The following FBN1 variants were observed in gnomAD, a reference collection of about 807,000 sequenced individuals.
The protein encoded by FBN1 is fibrillin-1.
FBN1 carries 29 observed loss-of-function variants against 365.1 expected under a neutral mutation model. The ratio of observed to expected loss-of-function variants is 0.08; its 90% CI spans 0.06 to 0.11. The LOEUF (loss-of-function observed/expected upper bound fraction) is 0.11. Ranked by LOEUF, FBN1 falls within the 10% of genes least tolerant of loss-of-function variation. The pLI is 1.00. For missense variants in FBN1, 2,476 were observed against 3,703.2 expected (o/e 0.67, Z 8.60); for synonymous variants, 1,210 against 1,270.5 (o/e 0.95, Z 1.01).
chr15:48,502,533 A>C (rs760887247), intron 17 of FBN1, among the ~76,000 whole-genome samples: 13 of 152,348 alleles, frequency 8.5e-5, no homozygotes, highest in Non-Finnish European at 1.8e-4. Context: ...AAAAACAACC[A>C]ACCAGAGCTA....
chr15:48,570,381 G>C (rs1261569131), intron 6 of FBN1, among the ~76,000 whole-genome samples: 1 of 151,520 alleles, frequency 6.6e-6, no homozygotes, highest in Non-Finnish European at 1.5e-5. Context: ...TTCATGAAGA[G>C]ATCAATAAAA....
intron 17 of FBN1, among the ~76,000 whole-genome samples, 175 bp downstream of exon 17, chr15:48,503,612 A>G (rs939777764): frequency 2.6e-5 from 4 of 152,240 alleles, no homozygotes; most frequent in Admixed American, 6.5e-5. Context: ...AATAATTATG[A>G]GGCTTAGATA....
At chr15:48,428,587 C>G (rs1230509239) in intron 56 of FBN1, 116 bp from the exon 57 acceptor site, 2 of 1,127,418 alleles carry the variant, frequency 1.8e-6, no homozygotes, top group African/African-American at 3.1e-5. Flanking sequence ...TCCCTTTGTT[C>G]CTTTCTCCTT....
chr15:48,578,129 T>C (rs2044363779), intron 6 of FBN1, among the ~76,000 whole-genome samples: 1 of 152,160 alleles, frequency 6.6e-6, no homozygotes, highest in African/African-American at 2.4e-5. Context: ...GTTCGTGTAT[T>C]TGAGAAGAAA....
chr15:48,417,246 T>G (rs2042909123), intron 63 of FBN1, among the ~76,000 whole-genome samples: 2 of 152,244 alleles, frequency 1.3e-5, no homozygotes, highest in Non-Finnish European at 2.9e-5. Context: ...AATCTATTTT[T>G]TCTTTTTTTT....
chr15:48,515,788 T>G (rs892320532), intron 11 of FBN1, among the ~76,000 whole-genome samples: 8 of 152,182 alleles, frequency 5.3e-5, no homozygotes, highest in African/African-American at 1.9e-4. Context: ...ACCTCTAGTT[T>G]GCAGAAATAA....
At chr15:48,516,415 A>T in intron 10 of FBN1, 53 bp from the exon 11 acceptor site, 1 of 1,548,436 alleles carries the variant, frequency 6.5e-7, no homozygotes, top group Non-Finnish European at 8.9e-7. Context: ...GCTTATGATC[A>T]TAGGCCCACA....
Position 48,495,199 on chromosome 15 carries a change from A to G in FBN1, c.2601T>C (p.Asn867=), listed in dbSNP as rs759097188. ...VIDGRCEINI[N]GATLKSQCCS... ...AGCACTGGGACTTTAAGGTGGCTCC[A>G]TTGATGTTGATCTCACATCGCCCAT... The change falls in exon 22 of 66, where the codon AAT becomes AAC. Residue 867 remains asparagine, a synonymous_variant. Transcript: ENST00000316623. The G allele has an allele frequency of 1.2e-6, 2 of 1,614,076 alleles. No individual in the cohort carries two copies. Among genetic ancestry groups the G allele is most frequent in the Non-Finnish European group, 1.7e-6 (2 of 1,180,034 alleles).
chr15:48,465,398 G>C (rs2043312412), intron 40 of FBN1, among the ~76,000 whole-genome samples, 170 bp downstream of exon 40: 1 of 152,222 alleles, frequency 6.6e-6, no homozygotes, highest in South Asian at 2.1e-4. Flanking sequence ...GACATCACTT[G>C]AGTAACATTA....
intron 63 of FBN1, among the ~76,000 whole-genome samples, chr15:48,419,460 T>A (rs775595558): frequency 5.9e-5 from 9 of 152,196 alleles, no homozygotes; most frequent in Non-Finnish European, 1.3e-4. Flanking sequence ...CAAAGTTCAC[T>A]CTGGAAGTTC....
intron 6 of FBN1, among the ~76,000 whole-genome samples, chr15:48,594,357 C>T (rs150644298): frequency 0.01 from 1,593 of 152,262 alleles, 12 homozygotes; most frequent in Non-Finnish European, 0.014. Context: ...CCAGTCTCCA[C>T]TACCACAAAT....
At chr15:48,503,192 G>A (rs12899078) in intron 17 of FBN1, among the ~76,000 whole-genome samples, 2 of 151,622 alleles carry the variant, frequency 1.3e-5, no homozygotes, top group Non-Finnish European at 2.9e-5. Context: ...CAGCTACTCA[G>A]GAGTTTGAGG....
At chr15:48,420,855 G>A in intron 62 of FBN1, 49 bp from the exon 63 acceptor site, 1 of 1,608,504 alleles carries the variant, frequency 6.2e-7, no homozygotes, top group South Asian at 1.1e-5. Flanking sequence ...ATCTCTCTCT[G>A]AAGCCAGATG....
intron 10 of FBN1, among the ~76,000 whole-genome samples, chr15:48,517,526 T>C (rs2043815700): frequency 6.6e-6 from 1 of 152,226 alleles, no homozygotes; most frequent in South Asian, 2.1e-4. Flanking sequence ...ATTTTTAGGA[T>C]GATTACTATT....
chr15:48,445,591 C>A, intron 47 of FBN1, 87 bp from the exon 48 acceptor site: 1 of 1,486,208 alleles, frequency 6.7e-7, no homozygotes, highest in Non-Finnish European at 9.3e-7. Flanking sequence ...AGAAAAAATA[C>A]TTTTTCTGAA....
intron 4 of FBN1, among the ~76,000 whole-genome samples, 185 bp downstream of exon 4, chr15:48,610,543 T>G (rs1263111801): frequency 6.6e-6 from 1 of 151,774 alleles, no homozygotes; most frequent in Non-Finnish European, 1.5e-5. Context: ...CTATAAAGAG[T>G]AAAGAAGGGA....
chr15:48,501,789 T>C (rs1336488648), intron 17 of FBN1, among the ~76,000 whole-genome samples: 2 of 152,252 alleles, frequency 1.3e-5, no homozygotes, highest in African/African-American at 2.4e-5. Context: ...AAATTCAAAG[T>C]AGGTAAGTAA....
intron 19 of FBN1, among the ~76,000 whole-genome samples, chr15:48,496,567 A>C (rs1195884052): frequency 2.0e-5 from 3 of 152,108 alleles, no homozygotes; most frequent in African/African-American, 7.2e-5. Flanking sequence ...AATTTAATTC[A>C]TTTTGTCGAA....
chr15:48,421,538 C>T lies in FBN1; in HGVS notation c.7699+20G>A. 2.5e-6 allele frequency: 4 copies of T among 1,610,138 alleles called. No homozygotes were observed. The highest frequency in any genetic ancestry group is 3.4e-6 in the Non-Finnish European group (4 of 1,178,962). ...CCACAAGGATTCACCAGCTGGATCG[C>T]AGCTGAAGTCTCCACCCACCTTCAC... On this transcript the variant is annotated intron_variant, in intron 62 of 65. Transcript: ENST00000316623.
Sources: allele counts gnomAD v4.1 joint callset (sites outside exome capture counted in the v4.1 genomes callset), GRCh38; gene constraint gnomAD v4.1.1; transcripts MANE v1.5; gene names NCBI Gene and HGNC (gene_info 2026-07-23, HGNC 2026-07-21).